Variants in CIT observed in about 807,000 individuals in gnomAD.
CIT encodes citron Rho-interacting kinase.
Under a neutral mutation model 272.7 loss-of-function variants are expected in CIT, and 79 were observed. The ratio of observed to expected loss-of-function variants is 0.29; its 90% CI spans 0.24 to 0.35. CIT has a LOEUF of 0.35. Among genes scored for constraint, CIT ranks in the 10% least tolerant of loss-of-function variants. The pLI is 1.00. For synonymous variants in CIT, 948 were observed against 995.6 expected (o/e 0.95, Z 0.90); for missense variants, 1,909 against 2,618.3 (o/e 0.73, Z 5.91).
At chr12:119,844,659 T>C (rs1969664641) in intron 5 of CIT, among the ~76,000 whole-genome samples, 1 of 152,110 alleles carries the variant, frequency 6.6e-6, no homozygotes. Flanking sequence ...AGCATTTTAC[T>C]CAAAAGCAAC....
chr12:119,850,443 G>A (rs1356728547), intron 4 of CIT, among the ~76,000 whole-genome samples, 168 bp from the exon 5 acceptor site: 2 of 146,526 alleles, frequency 1.4e-5, no homozygotes, highest in East Asian at 4.0e-4. Context: ...AAGAGGGAAA[G>A]GGAAGGAAAG....
At position 119,695,138 on chromosome 12, in the gene CIT, AC is replaced by A. The variant is rs575367141; in HGVS notation, c.5882+2520del. 1.5e-4 allele frequency among the ~76,000 whole-genome samples: 23 copies of A among 152,264 alleles called. 1 individual carries two copies. The highest frequency in any genetic ancestry group is 5.1e-4 in the African/African-American group (21 of 41,564). On this transcript the variant is annotated intron_variant, in intron 46 of 47. Transcript: ENST00000392521. ...TTCAAAGAGTGTTTATGCAAGAAAAACAAAGGAATCTCAGCAAGAACCGAAT... is the reference window on the plus strand; with the variant it reads ...TTCAAAGAGTGTTTATGCAAGAAAAAAAAGGAATCTCAGCAAGAACCGAAT...
intron 46 of CIT, among the ~76,000 whole-genome samples, chr12:119,695,196 C>T (rs1956164448): frequency 1.3e-5 from 2 of 152,198 alleles, no homozygotes. Context: ...CCCATACCCA[C>T]TCCCCTCTCC....
At chr12:119,737,167 C>T (rs572809940) in intron 24 of CIT, among the ~76,000 whole-genome samples, 5 of 151,974 alleles carry the variant, frequency 3.3e-5, no homozygotes, top group African/African-American at 9.6e-5. Context: ...ATTAACCAGG[C>T]GTGGTGGCGG....
At chr12:119,863,218 A>AC (rs1950415244) in intron 3 of CIT, among the ~76,000 whole-genome samples, 1 of 150,208 alleles carries the variant, frequency 6.7e-6, no homozygotes, top group African/African-American at 2.4e-5. Flanking sequence ...AAAAAAAAAA[A>AC]AAAAAAAGAG....
intron 20 of CIT, among the ~76,000 whole-genome samples, chr12:119,759,291 A>G (rs1230267886): frequency 6.6e-6 from 1 of 152,198 alleles, no homozygotes; most frequent in Non-Finnish European, 1.5e-5. Context: ...TTCTCCTCAG[A>G]GTGTGAACCC....
At chr12:119,786,053 G>GT (rs1200795731) in intron 10 of CIT, among the ~76,000 whole-genome samples, 22 of 150,482 alleles carry the variant, frequency 1.5e-4, no homozygotes, top group East Asian at 7.8e-4. Flanking sequence ...CTTTGTTTTT[G>GT]TTTTTTTTTC....
At chr12:119,757,842 C>A (rs1593619904) in intron 21 of CIT, among the ~76,000 whole-genome samples, 1 of 152,176 alleles carries the variant, frequency 6.6e-6, no homozygotes, top group Non-Finnish European at 1.5e-5. Context: ...CTGTTTATTT[C>A]TTCTGTGAGT....
chr12:119,731,897 G>A (rs896612917), intron 26 of CIT, among the ~76,000 whole-genome samples: 7 of 150,318 alleles, frequency 4.7e-5, no homozygotes, highest in East Asian at 2.0e-4. Flanking sequence ...GTTCAGTGGC[G>A]TGATCTCAGT....
chr12:119,700,409 G>C (rs1482174395), intron 44 of CIT, among the ~76,000 whole-genome samples: 1 of 152,158 alleles, frequency 6.6e-6, no homozygotes, highest in Non-Finnish European at 1.5e-5. Context: ...TTGAGACAGA[G>C]TCTCGCTTTG....
chr12:119,756,585 G>C (rs75780029), intron 22 of CIT, among the ~76,000 whole-genome samples: 8,262 of 152,266 alleles, frequency 0.054, 342 homozygotes, highest in African/African-American at 0.11. Flanking sequence ...GGGGGAGGGG[G>C]TTGCAGGGAG....
intron 20 of CIT, 79 bp downstream of exon 20, chr12:119,760,854 TGAAATA>T: frequency 1.1e-6 from 1 of 869,680 alleles, no homozygotes; most frequent in Non-Finnish European, 1.9e-6. Flanking sequence ...TTTCACCAGG[TGAAATA>T]GAGTCTTATC....
chr12:119,864,966 T>A (rs1296249227), intron 3 of CIT, among the ~76,000 whole-genome samples: 1 of 152,030 alleles, frequency 6.6e-6, no homozygotes, highest in Non-Finnish European at 1.5e-5. Flanking sequence ...AAAATCTCCA[T>A]CCCTATAGGA....
At chr12:119,696,685 C>T (rs758813047) in intron 46 of CIT, among the ~76,000 whole-genome samples, 1 of 152,154 alleles carries the variant, frequency 6.6e-6, no homozygotes, top group Admixed American at 6.5e-5. Flanking sequence ...CACCACCACA[C>T]CTGGCTAATT....
chr12:119,772,182 C>G (rs955112912), intron 17 of CIT, among the ~76,000 whole-genome samples: 1 of 152,088 alleles, frequency 6.6e-6, no homozygotes, highest in African/African-American at 2.4e-5. Flanking sequence ...CACCAAGGGG[C>G]AGAGGAGGCA....
intron 9 of CIT, among the ~76,000 whole-genome samples, chr12:119,808,492 A>G (rs1229567084): frequency 6.6e-6 from 1 of 152,140 alleles, no homozygotes; most frequent in East Asian, 1.9e-4. Context: ...TATGCTTCAG[A>G]GTACCCAATG....
chr12:119,845,134 AAAAAAC>A (rs1221542088), intron 5 of CIT, among the ~76,000 whole-genome samples: 1 of 151,936 alleles, frequency 6.6e-6, no homozygotes, highest in South Asian at 2.1e-4. Flanking sequence ...AAAATAAACC[AAAAAAC>A]AAAAACAAAA....
intron 23 of CIT, among the ~76,000 whole-genome samples, chr12:119,748,827 C>T (rs1373490394): frequency 6.6e-6 from 1 of 152,152 alleles, no homozygotes; most frequent in Non-Finnish European, 1.5e-5. Context: ...TGAGGCCTGG[C>T]CGGTGCACAC....
intron 1 of CIT, among the ~76,000 whole-genome samples, chr12:119,876,755 A>G (rs75736183): frequency 0.026 from 3,920 of 152,266 alleles, 79 homozygotes; most frequent in Non-Finnish European, 0.037. Context: ...CGAAACAGCC[A>G]AGCCAAAAGC....
Sources: allele counts gnomAD v4.1 joint callset (sites outside exome capture counted in the v4.1 genomes callset), GRCh38; gene constraint gnomAD v4.1.1; transcripts MANE v1.5; gene names NCBI Gene and HGNC (gene_info 2026-07-23, HGNC 2026-07-21).